The following CFAP299 variants were observed in gnomAD, a reference collection of about 807,000 sequenced individuals.
The protein encoded by CFAP299 is cilia and flagella associated protein 299.
In CFAP299, 21 loss-of-function variants were observed where a neutral mutation model predicts 27.0. The ratio of observed to expected loss-of-function variants is 0.78; its 90% CI spans 0.55 to 1.12. The LOEUF (loss-of-function observed/expected upper bound fraction) is 1.12. CFAP299 is among the 50% of genes most tolerant of loss of function. The pLI, the probability that CFAP299 is intolerant of heterozygous loss-of-function variation, is 0.00. For synonymous variants in CFAP299, 104 were observed against 98.1 expected, an observed-to-expected ratio of 1.06 and a Z score of -0.36; for missense variants, 310 against 276.6, an observed-to-expected ratio of 1.12 and a Z score of -0.86.
intron 4 of CFAP299, among the ~76,000 whole-genome samples, chr4:80,923,776 C>A (rs1736163979): frequency 6.6e-6 from 1 of 151,906 alleles, no homozygotes; most frequent in African/African-American, 2.4e-5. Context: ...CATTTGAATT[C>A]TGAGTTGTGA....
intron 1 of CFAP299, among the ~76,000 whole-genome samples, chr4:80,355,692 A>G (rs1056716716): frequency 6.7e-6 from 1 of 149,930 alleles, no homozygotes; most frequent in Admixed American, 6.6e-5. Flanking sequence ...TGGTTATTAA[A>G]CCTCTGTTGG....
At chr4:80,705,076 G>C (rs987397671) in intron 3 of CFAP299, among the ~76,000 whole-genome samples, 7 of 151,684 alleles carry the variant, frequency 4.6e-5, no homozygotes, top group African/African-American at 1.7e-4. Flanking sequence ...AGTGCTAGCA[G>C]TTTTGTCTTG....
chr4:80,827,413 A>G (rs1167619746), intron 3 of CFAP299, among the ~76,000 whole-genome samples: 1 of 151,882 alleles, frequency 6.6e-6, no homozygotes, highest in Non-Finnish European at 1.5e-5. Flanking sequence ...CATGATCAAC[A>G]CAAAAATTGA....
intron 1 of CFAP299, among the ~76,000 whole-genome samples, chr4:80,349,861 G>A (rs1348773557): frequency 6.6e-6 from 1 of 152,096 alleles, no homozygotes; most frequent in Non-Finnish European, 1.5e-5. Context: ...ATGTTTTATT[G>A]GCAGTCTAGC....
intron 5 of CFAP299, among the ~76,000 whole-genome samples, chr4:80,959,119 A>C (rs556186411): frequency 6.6e-6 from 1 of 152,252 alleles, no homozygotes; most frequent in Non-Finnish European, 1.5e-5. Context: ...CCACTGCAAA[A>C]GACAATTAGA....
chr4:80,886,321 G>A lies in CFAP299; in HGVS notation c.476+16186G>A, dbSNP rs139165312. On this transcript the variant is annotated intron_variant, in intron 4 of 5. Coordinates refer to ENST00000358105, the MANE Select transcript of CFAP299 (RefSeq NM_152770.3). Reference sequence around the variant, plus strand: ...AGGGCTTCGGGCAAAGCCCAGTTTTGTTCTTGCTTCAGATCTAACCCAGCA... The same window carrying A: ...AGGGCTTCGGGCAAAGCCCAGTTTTATTCTTGCTTCAGATCTAACCCAGCA... Among the ~76,000 whole-genome samples, 617 of 152,304 alleles carry A rather than the reference G, an allele frequency of 4.1e-3. 7 individuals are homozygous for A. The highest frequency in any genetic ancestry group is 0.04 in the South Asian group (192 of 4,824).
chr4:80,634,822 T>G (rs1739403167), intron 3 of CFAP299, among the ~76,000 whole-genome samples: 1 of 152,178 alleles, frequency 6.6e-6, no homozygotes, highest in South Asian at 2.1e-4. Flanking sequence ...CTAGTATCAT[T>G]AAATTGAAGT....
intron 3 of CFAP299, among the ~76,000 whole-genome samples, chr4:80,609,110 T>G (rs73832428): frequency 0.033 from 4,987 of 152,160 alleles, 293 homozygotes; most frequent in African/African-American, 0.11. Context: ...TGGAAAAGTT[T>G]CCAAGGGCTT....
chr4:80,390,722 T>C (rs888463588), intron 2 of CFAP299, among the ~76,000 whole-genome samples: 4 of 117,758 alleles, frequency 3.4e-5, no homozygotes, highest in Non-Finnish European at 7.0e-5. Context: ...TATACACACA[T>C]ACATGTATAT....
chr4:80,392,246 T>G (rs1384237723), intron 2 of CFAP299, among the ~76,000 whole-genome samples: 1 of 152,214 alleles, frequency 6.6e-6, no homozygotes, highest in African/African-American at 2.4e-5. Context: ...TTGTCTCAGA[T>G]AAGACTTTGG....
intron 2 of CFAP299, among the ~76,000 whole-genome samples, chr4:80,446,161 A>T (rs1458195001): frequency 6.6e-6 from 1 of 152,206 alleles, no homozygotes; most frequent in Non-Finnish European, 1.5e-5. Flanking sequence ...GAAAAGGCAT[A>T]GGTGTTGTGT....
At chr4:80,927,692 C>T (rs533779764) in intron 4 of CFAP299, among the ~76,000 whole-genome samples, 2 of 152,232 alleles carry the variant, frequency 1.3e-5, no homozygotes, top group South Asian at 2.1e-4. Context: ...CCCATGGCCC[C>T]TGTATCTGAA....
chr4:80,615,894 T>G (rs897008609), intron 3 of CFAP299, among the ~76,000 whole-genome samples: 3 of 152,152 alleles, frequency 2.0e-5, no homozygotes, highest in Non-Finnish European at 4.4e-5. Context: ...CCTCAATACC[T>G]CCTTCAAAGT....
In CFAP299 at chr4:80,415,820, T is replaced by G. The variant is rs145128035; in HGVS notation, c.242+52936T>G. Reference sequence around the variant, plus strand: ...TGAAAGGATTTGTAGCAGTAGAAGTTGCTCCTTAAATCTTAGAAAAATATT... The same window carrying G: ...TGAAAGGATTTGTAGCAGTAGAAGTGGCTCCTTAAATCTTAGAAAAATATT... On this transcript the variant is annotated intron_variant, in intron 2 of 5. Transcript: ENST00000358105. 6.2e-3 allele frequency among the ~76,000 whole-genome samples: 938 copies of G among 152,332 alleles called. 2 individuals carry two copies. Among genetic ancestry groups the G allele is most frequent in the Middle Eastern group, 0.024 (7 of 294 alleles).
chr4:80,449,841 A>T (rs934495366), intron 2 of CFAP299, among the ~76,000 whole-genome samples: 7 of 151,918 alleles, frequency 4.6e-5, no homozygotes, highest in Non-Finnish European at 1.0e-4. Flanking sequence ...TTTATTTAAT[A>T]TTTATAAATA....
Position 80,797,453 on chromosome 4 carries a change from G to A in CFAP299, c.334-72540G>A, listed in dbSNP as rs544978810. ...TATCAATTTCACTTCTAGGAATACCGTGATCAATTAGCCAATGCCAGAGCT... is the reference window on the plus strand; with the variant it reads ...TATCAATTTCACTTCTAGGAATACCATGATCAATTAGCCAATGCCAGAGCT... On this transcript the variant is annotated intron_variant, in intron 3 of 5. Transcript: ENST00000358105. Among the ~76,000 whole-genome samples, 44 of 142,492 alleles carry A rather than the reference G, an allele frequency of 3.1e-4. No individual in the cohort carries two copies. The South Asian group carries it at 5.2e-3, about 17-fold the overall frequency. 93.5% of individuals were successfully genotyped at this position (142,492 alleles called of 152,430 possible).
chr4:80,505,129 T>C (rs961837702), intron 2 of CFAP299, among the ~76,000 whole-genome samples: 4 of 144,056 alleles, frequency 2.8e-5, no homozygotes, highest in Admixed American at 2.7e-4. Flanking sequence ...GGAAATCTTA[T>C]ATATTGATAT....
At chr4:80,378,106 TG>T (rs35400090) in intron 2 of CFAP299, among the ~76,000 whole-genome samples, 1 of 152,148 alleles carries the variant, frequency 6.6e-6, no homozygotes, top group East Asian at 1.9e-4. Context: ...GAGATTTGGG[TG>T]GGGGCACAGC....
At chr4:80,857,719 C>A (rs553852478) in intron 3 of CFAP299, among the ~76,000 whole-genome samples, 3 of 152,086 alleles carry the variant, frequency 2.0e-5, no homozygotes, top group Non-Finnish European at 4.4e-5. Flanking sequence ...TATTGATTTG[C>A]GTATATTGAA....
Sources: allele counts gnomAD v4.1 joint callset (sites outside exome capture counted in the v4.1 genomes callset), GRCh38; gene constraint gnomAD v4.1.1; transcripts MANE v1.5; gene names NCBI Gene and HGNC (gene_info 2026-07-23, HGNC 2026-07-21).